The following RBFOX1 variants were observed in gnomAD, a reference collection of about 807,000 sequenced individuals.
RBFOX1 encodes RNA binding protein fox-1 homolog 1.
Under a neutral mutation model 57.7 loss-of-function variants are expected in RBFOX1, and 8 were observed. The observed-to-expected ratio is 0.14, with a 90% CI of 0.08 to 0.25. The LOEUF is 0.25. Among genes scored for constraint, RBFOX1 ranks in the 10% least tolerant of loss-of-function variants. The pLI is 1.00. For missense variants in RBFOX1, 611 were observed against 548.5 expected (o/e 1.11, Z -1.14); for synonymous variants, 326 against 222.4 (o/e 1.47, Z -4.15).
intron 1 of RBFOX1, among the ~76,000 whole-genome samples, chr16:5,304,021 A>G (rs1298006694): frequency 6.6e-6 from 1 of 152,208 alleles, no homozygotes; most frequent in Non-Finnish European, 1.5e-5. Context: ...TATAGCTTTG[A>G]TCATAACTTA....
intron 4 of RBFOX1, among the ~76,000 whole-genome samples, chr16:7,163,106 T>G (rs189896376): frequency 5.0e-4 from 76 of 152,340 alleles, no homozygotes; most frequent in Admixed American, 1.3e-3. Context: ...AAATAATTCC[T>G]AAGTTACTGA....
chr16:6,206,341 G>T (rs1292719830), intron 1 of RBFOX1, among the ~76,000 whole-genome samples: 1 of 152,114 alleles, frequency 6.6e-6, no homozygotes, highest in East Asian at 1.9e-4. Flanking sequence ...TCAGGAATCT[G>T]CTGAAGCATC....
At chr16:7,357,294 G>C (rs1167978962) in intron 4 of RBFOX1, among the ~76,000 whole-genome samples, 4 of 151,554 alleles carry the variant, frequency 2.6e-5, no homozygotes, top group Non-Finnish European at 5.9e-5. Flanking sequence ...GAAGGTTCTT[G>C]GTTATCATCA....
intron 4 of RBFOX1, among the ~76,000 whole-genome samples, chr16:7,400,546 G>T (rs911657806): frequency 1.6e-4 from 24 of 152,088 alleles, no homozygotes; most frequent in Non-Finnish European, 2.6e-4. Context: ...TTCCTTTCCG[G>T]ATTCTTCAAG....
chr16:7,005,476 G>C (rs779394216), intron 3 of RBFOX1, among the ~76,000 whole-genome samples: 12 of 152,258 alleles, frequency 7.9e-5, no homozygotes, highest in Non-Finnish European at 1.2e-4. Flanking sequence ...ACAGGAATGG[G>C]GAGAAGGAAC....
intron 1 of RBFOX1, among the ~76,000 whole-genome samples, chr16:6,050,743 G>A (rs1407884790): frequency 6.6e-6 from 1 of 151,908 alleles, no homozygotes; most frequent in Non-Finnish European, 1.5e-5. Flanking sequence ...TAGTCAGGGG[G>A]TATAGTTTAT....
intron 2 of RBFOX1, among the ~76,000 whole-genome samples, chr16:6,343,449 C>A (rs1397361330): frequency 6.6e-6 from 1 of 152,158 alleles, no homozygotes; most frequent in Non-Finnish European, 1.5e-5. Flanking sequence ...CATTGAAGAA[C>A]TGAAGTGAGG....
At chr16:6,244,699 G>A (rs779473972) in intron 1 of RBFOX1, among the ~76,000 whole-genome samples, 24 of 152,174 alleles carry the variant, frequency 1.6e-4, no homozygotes, top group Admixed American at 3.3e-4. Flanking sequence ...TAGTAGAGAC[G>A]GGATTTCACC....
chr16:7,101,115 T>C (rs543702118), intron 4 of RBFOX1, among the ~76,000 whole-genome samples: 3 of 152,328 alleles, frequency 2.0e-5, no homozygotes, highest in Non-Finnish European at 2.9e-5. Flanking sequence ...TATGGTACTT[T>C]TAAGGCACTA....
chr16:6,124,001 G>A (rs1285757204), intron 1 of RBFOX1, among the ~76,000 whole-genome samples: 1 of 152,164 alleles, frequency 6.6e-6, no homozygotes, highest in African/African-American at 2.4e-5. Context: ...AGTCTTGCTT[G>A]GCCACAAAGG....
intron 2 of RBFOX1, among the ~76,000 whole-genome samples, chr16:6,626,218 A>G (rs2098304107): frequency 6.9e-6 from 1 of 145,428 alleles, no homozygotes; most frequent in Admixed American, 7.0e-5. Context: ...TTGAACATTT[A>G]TGCCCTCTGA....
At chr16:6,997,194 A>G (rs1456056698) in intron 3 of RBFOX1, among the ~76,000 whole-genome samples, 1 of 152,122 alleles carries the variant, frequency 6.6e-6, no homozygotes. Flanking sequence ...ATTTTCCCCC[A>G]ATAACTTTAA....
intron 1 of RBFOX1, among the ~76,000 whole-genome samples, chr16:5,394,486 A>C (rs1309576149): frequency 2.0e-5 from 3 of 151,516 alleles, no homozygotes; most frequent in Non-Finnish European, 2.9e-5. Flanking sequence ...TTGACCCCTG[A>C]AACATATCTC....
At chr16:6,206,659 A>C (rs1056331656) in intron 1 of RBFOX1, among the ~76,000 whole-genome samples, 5 of 152,172 alleles carry the variant, frequency 3.3e-5, no homozygotes, top group Admixed American at 1.3e-4. Flanking sequence ...TTATACACTC[A>C]TCAGAAGTTG....
intron 3 of RBFOX1, among the ~76,000 whole-genome samples, chr16:5,683,956 A>C (rs2050425322): frequency 1.3e-5 from 2 of 151,974 alleles, no homozygotes; most frequent in South Asian, 4.2e-4. Flanking sequence ...ATATTATCCC[A>C]AGGTATTCTC....
chr16:7,222,322 A>G (rs1016819283), intron 4 of RBFOX1, among the ~76,000 whole-genome samples: 9 of 152,196 alleles, frequency 5.9e-5, no homozygotes, highest in African/African-American at 4.8e-5. Context: ...CTAATGTGCA[A>G]AGTCTCATGT....
intron 2 of RBFOX1, among the ~76,000 whole-genome samples, chr16:6,566,120 A>G (rs2097262335): frequency 6.6e-6 from 1 of 152,206 alleles, no homozygotes; most frequent in Non-Finnish European, 1.5e-5. Flanking sequence ...ATCACTGTTC[A>G]AATTTATTAG....
chr16:7,314,351 G>T (rs929071017), intron 4 of RBFOX1, among the ~76,000 whole-genome samples: 1 of 152,146 alleles, frequency 6.6e-6, no homozygotes, highest in Non-Finnish European at 1.5e-5. Context: ...AGGGAGTGGG[G>T]TCCTGCCTTG....
At chr16:6,345,120 C>G (rs1027841314) in intron 2 of RBFOX1, among the ~76,000 whole-genome samples, 2 of 152,156 alleles carry the variant, frequency 1.3e-5, no homozygotes, top group African/African-American at 2.4e-5. Context: ...TCCTGTTTGC[C>G]ACTTCCTTGT....
Sources: gnomAD v4.1 joint callset for allele counts (sites outside exome capture counted in the v4.1 genomes callset) on GRCh38, gnomAD v4.1.1 for gene constraint, MANE v1.5 for transcripts, NCBI Gene and HGNC (gene_info 2026-07-23, HGNC 2026-07-21) for gene names.